The following SPTBN4 variants were observed in gnomAD, a reference collection of about 807,000 sequenced individuals.
SPTBN4 encodes the protein spectrin beta, non-erythrocytic 4.
In SPTBN4, 96 loss-of-function variants were observed where a neutral mutation model predicts 277.8. That is an observed-to-expected ratio of 0.35 (90% CI 0.29 to 0.41). The LOEUF (loss-of-function observed/expected upper bound fraction) is 0.41, where lower values mean the gene tolerates loss of function less well. Ranked by LOEUF, SPTBN4 falls within the 10% of genes least tolerant of loss-of-function variation. SPTBN4 has a pLI of 1.00. For missense variants in SPTBN4, 3,006 were observed against 3,595.7 expected (o/e 0.84, Z 4.19); for synonymous variants, 1,481 against 1,580.3 (o/e 0.94, Z 1.49).
Position 40,569,842 on chromosome 19 carries a change from T to A in SPTBN4, c.7026+116T>A, listed in dbSNP as rs1269215820. The A allele has an allele frequency of 9.4e-6, 9 of 960,674 alleles. 1 individual carries two copies. Among genetic ancestry groups the A allele is most frequent in the African/African-American group, 3.3e-5 (2 of 59,774 alleles). The allele number at this position is 960,674 out of a possible 1,614,324, so 59.5% of individuals were successfully genotyped here. ...CAGGACCCATTCCCTACCTGGACCC[T>A]GCAGAGACAGCATGGACTCTCAGGG... On this transcript the variant is annotated intron_variant, in intron 32 of 35. Coordinates refer to ENST00000598249, the MANE Select transcript of SPTBN4 (RefSeq NM_020971.3).
intron 33 of SPTBN4, 179 bp from the exon 34 acceptor site, chr19:40,571,840 C>T: frequency 1.8e-6 from 1 of 566,238 alleles, no homozygotes; most frequent in African/African-American, 1.9e-5. Flanking sequence ...GACTTAAATG[C>T]TCCCCTCAGG....
chr19:40,548,383 T>C (rs1449970156), intron 20 of SPTBN4, among the ~76,000 whole-genome samples: 3 of 151,420 alleles, frequency 2.0e-5, no homozygotes, highest in Non-Finnish European at 4.4e-5. Flanking sequence ...CCCAGCTACT[T>C]GGGAGGTCAA....
At chr19:40,572,463 G>A (rs2081164247) in intron 35 of SPTBN4, 83 bp downstream of exon 35, 3 of 1,530,012 alleles carry the variant, frequency 2.0e-6, no homozygotes, top group African/African-American at 1.4e-5. Context: ...TGATGGGGCT[G>A]TGAGAAGGGA....
chr19:40,489,802 G>C (rs2080116291), intron 3 of SPTBN4, among the ~76,000 whole-genome samples: 2 of 152,186 alleles, frequency 1.3e-5, no homozygotes, highest in Admixed American at 6.5e-5. Flanking sequence ...TATCAGGTTC[G>C]AAGTGGGGCG....
intron 35 of SPTBN4, among the ~76,000 whole-genome samples, chr19:40,574,336 A>G (rs563287038): frequency 5.9e-5 from 9 of 151,948 alleles, no homozygotes; most frequent in Non-Finnish European, 1.2e-4. Context: ...ATCTCATTCA[A>G]TCTTCACAAG....
Position 40,472,772 on chromosome 19 carries a change from C to T in SPTBN4, c.151C>T (p.Arg51Trp), listed in dbSNP as rs2079900977. ...AGCGGCCTCGCTCTTTGAGTGCTCC[C>T]GGATCAAGGCCTTGGCAGGTACCTG... ...TAAASLFECSRIKALADEREA... is the reference protein window; with the variant it reads ...TAAASLFECSWIKALADEREA... Residue 51 changes from arginine (R) to tryptophan (W), a missense_variant, in exon 2 of 36, where the codon CGG (arginine) becomes TGG (tryptophan). Around this residue, in one of 5 missense-constraint regions of SPTBN4, gnomAD observed 114 missense variants for 196.1 expected, o/e 0.58. Transcript: ENST00000598249. 4 of 1,369,874 alleles carry T rather than the reference C, an allele frequency of 2.9e-6. No homozygotes were observed. Among genetic ancestry groups the T allele is most frequent in the Non-Finnish European group, 9.7e-7 (1 of 1,030,816 alleles). The allele number at this position is 1,369,874 out of a possible 1,614,324, so 84.9% of individuals were successfully genotyped here.
At chr19:40,572,255 C>T in intron 34 of SPTBN4, 63 bp downstream of exon 34, 4 of 1,602,676 alleles carry the variant, frequency 2.5e-6, no homozygotes, top group South Asian at 1.1e-5. Context: ...CAGTGGGACC[C>T]TGGCTTCCCT....
chr19:40,547,118 G>A (rs1477034693), intron 20 of SPTBN4, among the ~76,000 whole-genome samples: 3 of 151,994 alleles, frequency 2.0e-5, no homozygotes, highest in Non-Finnish European at 4.4e-5. Context: ...CCATGTTGGT[G>A]TGCTGCACCC....
intron 13 of SPTBN4, 139 bp from the exon 14 acceptor site, chr19:40,512,467 A>G: frequency 1.8e-6 from 2 of 1,135,514 alleles, no homozygotes; most frequent in Non-Finnish European, 1.2e-6. Flanking sequence ...GTGTCAGGGA[A>G]GGCTGCCTGG....
At position 40,560,692 on chromosome 19, in the gene SPTBN4, A is replaced by G; in HGVS notation, c.5915+289A>G. 7.1e-7 allele frequency: 1 copy of G among 1,417,124 alleles called. No individual in the cohort carries two copies. The highest frequency in any genetic ancestry group is 9.2e-7 in the Non-Finnish European group (1 of 1,088,918). 87.8% of individuals were successfully genotyped at this position (1,417,124 alleles called of 1,614,324 possible). Reference sequence around the variant, plus strand: ...CAGCATGAAACAGGCTAAAGACAGGATGGGCAAGGGAGGTGTGGGACTGTA... The same window carrying G: ...CAGCATGAAACAGGCTAAAGACAGGGTGGGCAAGGGAGGTGTGGGACTGTA... On this transcript the variant is annotated intron_variant, in intron 27 of 35. Transcript: ENST00000598249. The surrounding 1 kb of genome is among the most constrained non-coding windows in gnomAD (Gnocchi z 5.2).
Position 40,523,928 on chromosome 19 carries a change from C to T in SPTBN4, c.3857+289C>T, listed in dbSNP as rs1235506985. Among the ~76,000 whole-genome samples the T allele has an allele frequency of 2.0e-5, 3 of 152,088 alleles. No homozygotes were observed. In the East Asian group the frequency reaches 5.8e-4, roughly 29 times the overall value. ...AAGTGATTCTCCTGCCTCAGCCTCC[C>T]GAGTAGCTGGGGCTACAGGCATGAG... On this transcript the variant is annotated intron_variant, in intron 17 of 35. Transcript: ENST00000598249.
chr19:40,530,476 C>A lies in SPTBN4; in HGVS notation c.3948+1345C>A, dbSNP rs1269715446. 6.1e-6 allele frequency: 6 copies of A among 977,780 alleles called. No homozygotes were observed. In the East Asian group the frequency reaches 3.5e-4, roughly 57 times the overall value. The allele number at this position is 977,780 out of a possible 1,614,324, so 60.6% of individuals were successfully genotyped here. On this transcript the variant is annotated intron_variant, in intron 18 of 35. Coordinates refer to ENST00000598249, the MANE Select transcript of SPTBN4 (RefSeq NM_020971.3). Reference sequence around the variant, plus strand: ...CGCCGCGCGGGGGCGAGGGAGGGGGCGCGCGGCCGCCGGAGCCTCAGCCTT... The same window carrying A: ...CGCCGCGCGGGGGCGAGGGAGGGGGAGCGCGGCCGCCGGAGCCTCAGCCTT...
intron 13 of SPTBN4, among the ~76,000 whole-genome samples, chr19:40,510,831 G>T (rs1263346897): frequency 6.6e-6 from 1 of 151,974 alleles, no homozygotes; most frequent in Non-Finnish European, 1.5e-5. Context: ...AGACCAGCCA[G>T]CGAGACTCTA....
intron 20 of SPTBN4, among the ~76,000 whole-genome samples, chr19:40,539,644 T>C (rs1340226280): frequency 1.3e-5 from 2 of 151,978 alleles, no homozygotes; most frequent in Non-Finnish European, 2.9e-5. Context: ...CACGCCTGGC[T>C]AATTTTTGTA....
At chr19:40,520,228 G>T in intron 16 of SPTBN4, 77 bp downstream of exon 16, 1 of 1,284,878 alleles carries the variant, frequency 7.8e-7, no homozygotes, top group Non-Finnish European at 9.9e-7. Context: ...GGACATGCGG[G>T]GGTGGGGAGG....
Position 40,493,066 on chromosome 19 carries a change from C to G in SPTBN4, c.587+12C>G, listed in dbSNP as rs771745270. The G allele has an allele frequency of 5.0e-6, 8 of 1,613,566 alleles. No homozygotes were observed. In the East Asian group the frequency reaches 1.1e-4, roughly 22 times the overall value. ...ATGAAGACAGCTGGGTAAGCACCCC[C>G]ACCACCTTCCTTAGGAGGTTAGGCA... On this transcript the variant is annotated intron_variant, in intron 5 of 35. Coordinates refer to ENST00000598249, the MANE Select transcript of SPTBN4 (RefSeq NM_020971.3).
At chr19:40,536,991 G>A (rs536352869) in intron 20 of SPTBN4, among the ~76,000 whole-genome samples, 14 of 151,700 alleles carry the variant, frequency 9.2e-5, no homozygotes, top group African/African-American at 3.4e-4. Context: ...ATGTTGGCCA[G>A]TCTTTATCTC....
chr19:40,506,592 T>A (rs2080333234), intron 13 of SPTBN4, among the ~76,000 whole-genome samples: 2 of 152,232 alleles, frequency 1.3e-5, no homozygotes. Context: ...GACCTCTTCC[T>A]GCTTTAGATT....
rs143614100 is a variant in SPTBN4 at position 40,488,826 on chromosome 19, A to AT, written c.321+985dup. Among the ~76,000 whole-genome samples, 795 of 149,852 alleles carry AT rather than the reference A, an allele frequency of 5.3e-3. 17 individuals carry two copies. In the East Asian group the frequency reaches 0.054, roughly 10 times the overall value. On this transcript the variant is annotated intron_variant, in intron 3 of 35. Coordinates refer to ENST00000598249, the MANE Select transcript of SPTBN4 (RefSeq NM_020971.3). ...CTCTGTTTCTCTCTCTTTTTTCTTA[A>AT]TTTTTTTATTCTTTTAAATAGATAC...
Sources: allele counts gnomAD v4.1 joint callset (sites outside exome capture counted in the v4.1 genomes callset), GRCh38; gene constraint gnomAD v4.1.1; regional missense constraint gnomAD v4.1.1; non-coding constraint Gnocchi (gnomAD v3.1); transcripts MANE v1.5; gene names NCBI Gene and HGNC (gene_info 2026-07-23, HGNC 2026-07-21).